PDE6B: variants seen among roughly 807,000 people sequenced by gnomAD.
The protein encoded by PDE6B is rod cGMP-specific 3',5'-cyclic phosphodiesterase subunit beta.
Under a neutral mutation model 109.0 loss-of-function variants are expected in PDE6B, and 106 were observed. That is an observed-to-expected ratio of 0.97 (90% CI 0.83 to 1.14). The LOEUF is 1.14. Among genes scored for constraint, PDE6B ranks in the 50% most tolerant of loss-of-function variants. The probability of loss-of-function intolerance (pLI) is 0.00; values close to 1 mark genes in which losing one functional copy is unlikely to be tolerated. For synonymous variants in PDE6B, 490 were observed against 471.3 expected (o/e 1.04, Z -0.51); for missense variants, 1,193 against 1,155.6 (o/e 1.03, Z -0.47).
Position 657,282 on chromosome 4 carries a change from G to C in PDE6B, c.1258-69G>C. The C allele has an allele frequency of 2.5e-6, 4 of 1,584,238 alleles. No homozygotes were observed. In the South Asian group the frequency reaches 4.5e-5, roughly 18 times the overall value. On this transcript the variant is annotated intron_variant, in intron 9 of 21. Coordinates refer to ENST00000496514, the MANE Select transcript of PDE6B (RefSeq NM_000283.4). ...ACCTGCCCGCCGAGCCACGGGGCCT[G>C]GCACACAGGCACATGGGAGGGGGCG...
chr4:645,538 G>GC (rs1325066977), intron 3 of PDE6B, among the ~76,000 whole-genome samples: 3 of 151,560 alleles, frequency 2.0e-5, no homozygotes, highest in Non-Finnish European at 4.4e-5. Context: ...CTCGTGATCC[G>GC]CCCGCCTCGG....
At chr4:647,685 C>G (rs888616306) in intron 3 of PDE6B, among the ~76,000 whole-genome samples, 3 of 152,100 alleles carry the variant, frequency 2.0e-5, no homozygotes, top group South Asian at 2.1e-4. Context: ...CACTCACCAT[C>G]GCATCTCGGG....
intron 1 of PDE6B, among the ~76,000 whole-genome samples, chr4:629,195 G>A (rs753422726): frequency 6.6e-6 from 1 of 152,222 alleles, no homozygotes; most frequent in African/African-American, 2.4e-5. Context: ...AGGGAGGAGC[G>A]AGTGGGCCTG....
chr4:631,818 G>C (rs896850253), intron 1 of PDE6B, among the ~76,000 whole-genome samples: 3 of 150,458 alleles, frequency 2.0e-5, no homozygotes, highest in African/African-American at 7.4e-5. Context: ...GGTCATGAGG[G>C]TCACGTTGTG....
intron 6 of PDE6B, 174 bp from the exon 7 acceptor site, chr4:655,766 C>T (rs1400216826): frequency 8.9e-6 from 6 of 674,424 alleles, no homozygotes; most frequent in Non-Finnish European, 1.3e-5. Flanking sequence ...CCTGGCCCCT[C>T]TGACCCCTGC....
At position 663,928 on chromosome 4, in the gene PDE6B, G is replaced by A. The variant is rs1388411467; in HGVS notation, c.2021+58G>A. The A allele has an allele frequency of 4.6e-6, 6 of 1,303,874 alleles. No homozygotes were observed. Among genetic ancestry groups the A allele is most frequent in the African/African-American group, 1.5e-5 (1 of 66,204 alleles). 80.8% of individuals were successfully genotyped at this position (1,303,874 alleles called of 1,614,324 possible). ...GGCGGGCGGGTAGCCTGGGACCCCC[G>A]GCAGACACGGGGGCGCAGCGGCGGC... On this transcript the variant is annotated intron_variant, in intron 16 of 21. Transcript: ENST00000496514. This position sits in a 1 kb window ranked among gnomAD's most constrained non-coding sequence, Gnocchi z 4.0.
At position 664,187 on chromosome 4, in the gene PDE6B, C is replaced by A; in HGVS notation, c.2095C>A (p.Leu699Met). Reference protein sequence around the residue: ...YQDKKSWVEYLSLETTRKEIV... With the variant: ...YQDKKSWVEYMSLETTRKEIV... ...GGACAAGAAGAGCTGGGTGGAGTAC[C>A]TGTCCCTGGAGACGACCCGGAAGGA... The change falls in exon 17 of 22, where the codon CTG becomes ATG. Residue 699 changes from leucine (L) to methionine (M), a missense_variant. By Grantham distance (15) the Leu-to-Met change is conservative (BLOSUM62 2). Transcript: ENST00000496514. 8 of 1,610,394 alleles carry A rather than the reference C, an allele frequency of 5.0e-6. No individual in the cohort carries two copies. Among genetic ancestry groups the A allele is most frequent in the Non-Finnish European group, 6.8e-6 (8 of 1,176,920 alleles).
intron 6 of PDE6B, chr4:655,344 C>T: frequency 3.6e-6 from 1 of 277,798 alleles, no homozygotes; most frequent in East Asian, 9.7e-5. Flanking sequence ...GGACTCCAGC[C>T]AAGGGAGGGG....
chr4:654,520 C>T (rs1033902057), intron 5 of PDE6B: 1 of 592,646 alleles, frequency 1.7e-6, no homozygotes, highest in East Asian at 2.9e-5. Context: ...TTGTGCGGAA[C>T]ACAGACTGGG....
In PDE6B at chr4:666,183, G is replaced by A. The variant is rs1158821244; in HGVS notation, c.2269-348G>A. Among the ~76,000 whole-genome samples the A allele has an allele frequency of 6.6e-6, 1 of 152,204 alleles. No homozygotes were observed. The highest frequency in any genetic ancestry group is 1.9e-4 in the East Asian group (1 of 5,188). On this transcript the variant is annotated intron_variant, in intron 19 of 21. Transcript: ENST00000496514. The surrounding 1 kb of genome is among the most constrained non-coding windows in gnomAD (Gnocchi z 5.6). ...TCCTGGTCAGCCGAGTGTCTGGGCA[G>A]TGCAGCCCAGCCCGGCTCAGCACTG...
At position 665,127 on chromosome 4, in the gene PDE6B, G is replaced by C. The variant is rs1412788264; in HGVS notation, c.2194-128G>C. ...AGTGTGTCTACATGGCTCAACCGGA[G>C]CCCTGTGTGGTGGGGACCCCGGGGG... On this transcript the variant is annotated intron_variant, in intron 18 of 21. Transcript: ENST00000496514. The surrounding 1 kb of genome is among the most constrained non-coding windows in gnomAD (Gnocchi z 4.0). The C allele has an allele frequency of 6.0e-6, 5 of 834,342 alleles. No homozygotes were observed. In the Admixed American group the frequency reaches 7.8e-5, roughly 13 times the overall value. The allele number at this position is 834,342 out of a possible 1,614,324, so 51.7% of individuals were successfully genotyped here. A position where few individuals can be genotyped will look rare whatever the true frequency, so the allele number is the denominator to read the frequency against.
intron 1 of PDE6B, among the ~76,000 whole-genome samples, chr4:628,738 C>G (rs1318641908): frequency 6.6e-6 from 1 of 152,218 alleles, no homozygotes; most frequent in Non-Finnish European, 1.5e-5. Context: ...GAGGGGCTGC[C>G]CAGGGCTCAC....
At chr4:655,839 AG>A (rs1736161486) in intron 6 of PDE6B, 100 bp from the exon 7 acceptor site, 1 of 792,886 alleles carries the variant, frequency 1.3e-6, no homozygotes, top group African/African-American at 1.7e-5. Context: ...AGCCTAGACC[AG>A]CCCCTCTCAC....
rs1734668237 is a variant in PDE6B at position 636,129 on chromosome 4, G to C, written c.711+160G>C. On this transcript the variant is annotated intron_variant, in intron 3 of 21. Transcript: ENST00000496514. The surrounding 1 kb of genome is among the most constrained non-coding windows in gnomAD (Gnocchi z 4.5). ...GGGAGAGGAGGGCTCCATGGCTTCT[G>C]TGGCTGTGCTGAGCTGCAATGGCCA... Among the ~76,000 whole-genome samples, 1 of 152,182 alleles carries C rather than the reference G, an allele frequency of 6.6e-6. No individual in the cohort carries two copies. The highest frequency in any genetic ancestry group is 2.4e-5 in the African/African-American group (1 of 41,446).
At chr4:653,287 G>A (rs761689992) in intron 3 of PDE6B, 44 of 1,027,586 alleles carry the variant, frequency 4.3e-5, no homozygotes, top group Non-Finnish European at 4.9e-5. Flanking sequence ...TGACCAAGGA[G>A]GCAGAGAAAG....
intron 3 of PDE6B, among the ~76,000 whole-genome samples, chr4:651,232 G>T (rs1735516021): frequency 6.8e-6 from 1 of 148,132 alleles, no homozygotes; most frequent in Non-Finnish European, 1.5e-5. Context: ...CGGCAGTGGG[G>T]CCGTCACAGG....
At chr4:632,401 C>G (rs1425905281) in intron 1 of PDE6B, among the ~76,000 whole-genome samples, 2 of 150,384 alleles carry the variant, frequency 1.3e-5, no homozygotes, top group African/African-American at 2.5e-5. Context: ...GTGGTGCCGT[C>G]TGAGGGTTAT....
At chr4:652,030 C>G in intron 3 of PDE6B, 1 of 161,468 alleles carries the variant, frequency 6.2e-6, no homozygotes, top group South Asian at 1.4e-4. Context: ...GGGGTCAGGG[C>G]AGGAGAGTGT....
chr4:646,993 G>C (rs917237651), intron 3 of PDE6B, among the ~76,000 whole-genome samples: 1 of 151,700 alleles, frequency 6.6e-6, no homozygotes, highest in Non-Finnish European at 1.5e-5. Flanking sequence ...GAGTAGCTGG[G>C]ATTACAGGTG....
Sources: allele counts gnomAD v4.1 joint callset (sites outside exome capture counted in the v4.1 genomes callset), GRCh38; gene constraint gnomAD v4.1.1; non-coding constraint Gnocchi (gnomAD v3.1); transcripts MANE v1.5; gene names NCBI Gene and HGNC (gene_info 2026-07-23, HGNC 2026-07-21).